The following SLC4A10 variants were observed in gnomAD, a reference collection of about 807,000 sequenced individuals.
SLC4A10 encodes sodium-driven chloride bicarbonate exchanger.
Under a neutral mutation model 137.7 loss-of-function variants are expected in SLC4A10, and 42 were observed. That is an observed-to-expected ratio of 0.30 (90% CI 0.24 to 0.39). The LOEUF (loss-of-function observed/expected upper bound fraction) is 0.39. SLC4A10 is among the 10% of genes least tolerant of loss of function. The pLI is 1.00. For synonymous variants in SLC4A10, 474 were observed against 464.1 expected (o/e 1.02, Z -0.27); for missense variants, 925 against 1,355.0 (o/e 0.68, Z 4.98).
At chr2:161,781,862 AC>A (rs1166901490) in intron 2 of SLC4A10, among the ~76,000 whole-genome samples, 5 of 152,080 alleles carry the variant, frequency 3.3e-5, no homozygotes, top group Admixed American at 3.3e-4. Context: ...GATATTCACG[AC>A]AGCTGTCTGC....
At chr2:161,941,947 G>A (rs571849661) in intron 15 of SLC4A10, among the ~76,000 whole-genome samples, 1 of 152,254 alleles carries the variant, frequency 6.6e-6, no homozygotes, top group Admixed American at 6.5e-5. Flanking sequence ...GCCCAACTCA[G>A]TTGTTTTTGC....
chr2:161,932,633 G>A (rs1253697520), intron 15 of SLC4A10, among the ~76,000 whole-genome samples: 1 of 152,188 alleles, frequency 6.6e-6, no homozygotes, highest in Non-Finnish European at 1.5e-5. Context: ...TTATGTGGAT[G>A]ATGACATGGA....
At chr2:161,831,368 T>C (rs1238493487) in intron 3 of SLC4A10, among the ~76,000 whole-genome samples, 1 of 152,178 alleles carries the variant, frequency 6.6e-6, no homozygotes, top group Non-Finnish European at 1.5e-5. Flanking sequence ...GATTTACTCA[T>C]TCTTTTGTGT....
At chr2:161,797,773 A>G (rs2054932684) in intron 2 of SLC4A10, among the ~76,000 whole-genome samples, 1 of 152,096 alleles carries the variant, frequency 6.6e-6, no homozygotes, top group African/African-American at 2.4e-5. Context: ...GTTTTGCTCA[A>G]GACGGTGTTA....
chr2:161,808,325 G>A (rs2056209105), intron 3 of SLC4A10, among the ~76,000 whole-genome samples: 1 of 151,824 alleles, frequency 6.6e-6, no homozygotes, highest in Non-Finnish European at 1.5e-5. Flanking sequence ...ACATTGAAGT[G>A]TTTATTTTAG....
At position 161,835,906 on chromosome 2, in the gene SLC4A10, C is replaced by T. The variant is rs186130418; in HGVS notation, c.278-3883C>T. Among the ~76,000 whole-genome samples, 141 of 152,302 alleles carry T rather than the reference C, an allele frequency of 9.3e-4. 1 individual carries two copies. Among genetic ancestry groups the T allele is most frequent in the Non-Finnish European group, 4.4e-5 (3 of 68,030 alleles). On this transcript the variant is annotated intron_variant, in intron 3 of 26. Coordinates refer to ENST00000446997, the MANE Select transcript of SLC4A10 (RefSeq NM_001178015.2). ...GTTTGTTGGGTTCAGCAGCTGAATACATCAGCAGTGTGGTTGAGGTATATA... is the reference window on the plus strand; with the variant it reads ...GTTTGTTGGGTTCAGCAGCTGAATATATCAGCAGTGTGGTTGAGGTATATA...
rs73017137 is a variant in SLC4A10, at chr2:161,774,583, G to A, written c.130+3529G>A. Among the ~76,000 whole-genome samples, 976 of 151,850 alleles carry A rather than the reference G, an allele frequency of 6.4e-3. 11 individuals carry two copies. Among genetic ancestry groups the A allele is most frequent in the African/African-American group, 0.022 (927 of 41,468 alleles). On this transcript the variant is annotated intron_variant, in intron 2 of 26. Coordinates refer to ENST00000446997, the MANE Select transcript of SLC4A10 (RefSeq NM_001178015.2). ...AAGGAGCTGCCTCTTGCCTATAGGAGCTGCCTCCCCTGTGGTTTTACTGAA... is the reference window on the plus strand; with the variant it reads ...AAGGAGCTGCCTCTTGCCTATAGGAACTGCCTCCCCTGTGGTTTTACTGAA...
chr2:161,669,304 G>A (rs1415330327), intron 1 of SLC4A10, among the ~76,000 whole-genome samples: 2 of 151,712 alleles, frequency 1.3e-5, no homozygotes, highest in South Asian at 4.1e-4. Flanking sequence ...AACAGTGAAG[G>A]ATATATCCAA....
intron 1 of SLC4A10, among the ~76,000 whole-genome samples, chr2:161,701,072 T>C (rs2043074839): frequency 6.6e-6 from 1 of 152,062 alleles, no homozygotes; most frequent in African/African-American, 2.4e-5. Flanking sequence ...TGCACAACAA[T>C]CTGCCTAGGG....
chr2:161,749,875 GT>G (rs1244771181), intron 1 of SLC4A10, among the ~76,000 whole-genome samples: 1 of 151,808 alleles, frequency 6.6e-6, no homozygotes, highest in African/African-American at 2.4e-5. Flanking sequence ...GAATTCAGAT[GT>G]GAAGCCATCT....
chr2:161,678,137 G>A (rs1435776569), intron 1 of SLC4A10, among the ~76,000 whole-genome samples: 1 of 152,094 alleles, frequency 6.6e-6, no homozygotes, highest in South Asian at 2.1e-4. Context: ...CTTCCTTTAG[G>A]CCCAAATGAA....
intron 15 of SLC4A10, among the ~76,000 whole-genome samples, chr2:161,921,710 G>C (rs1688166129): frequency 6.6e-6 from 1 of 152,116 alleles, no homozygotes; most frequent in Admixed American, 6.5e-5. Context: ...TCAATCTGAG[G>C]CTCCAACAGG....
At chr2:161,628,848 A>G (rs2032979250) in intron 1 of SLC4A10, among the ~76,000 whole-genome samples, 1 of 152,010 alleles carries the variant, frequency 6.6e-6, no homozygotes, top group Admixed American at 6.6e-5. Context: ...ATTTATTAAT[A>G]TTATGTTTAT....
intron 2 of SLC4A10, 135 bp from the exon 3 acceptor site, chr2:161,804,313 CA>C: frequency 5.4e-6 from 5 of 931,088 alleles, no homozygotes; most frequent in Non-Finnish European, 7.7e-6. Context: ...TGCCACGCTC[CA>C]AGCTTTATGT....
intron 1 of SLC4A10, among the ~76,000 whole-genome samples, chr2:161,700,401 A>C (rs1455116762): frequency 6.6e-6 from 1 of 152,152 alleles, no homozygotes; most frequent in Non-Finnish European, 1.5e-5. Flanking sequence ...AATGTTGAAA[A>C]TAATGAGAAT....
At chr2:161,800,082 A>G (rs763488086) in intron 2 of SLC4A10, among the ~76,000 whole-genome samples, 4 of 151,986 alleles carry the variant, frequency 2.6e-5, no homozygotes, top group Non-Finnish European at 4.4e-5. Flanking sequence ...TGAAATGTAA[A>G]CACAGAGCTG....
intron 1 of SLC4A10, among the ~76,000 whole-genome samples, chr2:161,633,866 A>G (rs564193148): frequency 3.9e-4 from 59 of 151,920 alleles, no homozygotes; most frequent in African/African-American, 1.4e-3. Context: ...AGGCATCAAA[A>G]GTAAATATAA....
intron 16 of SLC4A10, among the ~76,000 whole-genome samples, chr2:161,945,361 A>T (rs182154208): frequency 3.0e-4 from 45 of 151,252 alleles, no homozygotes; most frequent in Non-Finnish European, 5.3e-4. Flanking sequence ...TACATATATA[A>T]GGGGCAGGAC....
chr2:161,843,983 C>T (rs2059342911), intron 4 of SLC4A10, among the ~76,000 whole-genome samples: 1 of 151,796 alleles, frequency 6.6e-6, no homozygotes, highest in East Asian at 1.9e-4. Context: ...TTTTAAAAAC[C>T]CTAAAAGAAG....
Sources: allele counts gnomAD v4.1 joint callset (sites outside exome capture counted in the v4.1 genomes callset), GRCh38; gene constraint gnomAD v4.1.1; transcripts MANE v1.5; gene names NCBI Gene and HGNC (gene_info 2026-07-23, HGNC 2026-07-21).